The following SLC38A8 variants were observed in gnomAD, a reference collection of about 807,000 sequenced individuals.
SLC38A8 encodes the protein amino acid transporter SLC38A8.
A neutral mutation model predicts 46.0 loss-of-function variants in SLC38A8; 65 were observed. The ratio of observed to expected loss-of-function variants is 1.41; its 90% confidence interval spans 1.16 to 1.74. The LOEUF (loss-of-function observed/expected upper bound fraction) is 1.74, where lower values mean the gene tolerates loss of function less well. Among genes scored for constraint, SLC38A8 ranks in the 40% most tolerant of loss-of-function variants. The probability of loss-of-function intolerance (pLI) is 0.00; values close to 1 mark genes in which losing one functional copy is unlikely to be tolerated. For missense variants in SLC38A8, 998 were observed against 567.9 expected (o/e 1.76, Z -7.70); for synonymous variants, 447 against 243.7 (o/e 1.83, Z -7.77).
chr16:84,028,919 C>G (rs773117820), intron 6 of SLC38A8, among the ~76,000 whole-genome samples: 1 of 152,170 alleles, frequency 6.6e-6, no homozygotes, highest in Non-Finnish European at 1.5e-5. Flanking sequence ...CTCTGCCCCT[C>G]TGCCAGGATT....
At chr16:84,028,197 T>G (rs1379546881) in intron 6 of SLC38A8, among the ~76,000 whole-genome samples, 1 of 152,122 alleles carries the variant, frequency 6.6e-6, no homozygotes, top group East Asian at 1.9e-4. Flanking sequence ...CCCTGTGGAC[T>G]TGATTTTACT....
chr16:84,022,234 A>C (rs931043037), intron 7 of SLC38A8, among the ~76,000 whole-genome samples: 1 of 152,234 alleles, frequency 6.6e-6, no homozygotes, highest in African/African-American at 2.4e-5. Flanking sequence ...ACTGGCGTCA[A>C]GTGGCCAACC....
chr16:84,022,158 G>A (rs920540431), intron 7 of SLC38A8, among the ~76,000 whole-genome samples: 1 of 152,186 alleles, frequency 6.6e-6, no homozygotes, highest in Non-Finnish European at 1.5e-5. Context: ...GTCCAAGGCT[G>A]CCTGAGAGAT....
rs1280777454 is a variant in SLC38A8, at chr16:84,017,154, C to T, written c.939G>A (p.Val313=). Residue 313 remains valine (V), a synonymous_variant, in exon 8 of 11, where the codon GTG becomes GTA. Coordinates refer to ENST00000299709, the MANE Select transcript of SLC38A8 (RefSeq NM_001080442.3). ...CCAGGCCTCACCTCCCCAGGAAGAG[C>T]ACGATGGGGTAGACAGTTACGATGG... ...AVSIVTVYPI[V]LFLGRSVMQD... is the part of the protein sequence containing the mutation. 3.0e-5 allele frequency: 49 copies of T among 1,614,012 alleles called. No individual in the cohort carries two copies. Among genetic ancestry groups the T allele is most frequent in the Non-Finnish European group, 4.0e-5 (47 of 1,180,038 alleles).
intron 7 of SLC38A8, among the ~76,000 whole-genome samples, chr16:84,021,738 T>G (rs530059435): frequency 3.3e-5 from 5 of 152,388 alleles, no homozygotes; most frequent in African/African-American, 1.2e-4. Context: ...TTAGTCCATT[T>G]TTTGTTGGTT....
At chr16:84,034,302 C>A (rs981874160) in intron 3 of SLC38A8, among the ~76,000 whole-genome samples, 1 of 152,240 alleles carries the variant, frequency 6.6e-6, no homozygotes, top group African/African-American at 2.4e-5. Context: ...TCCAGGCACA[C>A]CTAATTCAAA....
At chr16:84,042,339 T>G (rs2085377420) in intron 1 of SLC38A8, among the ~76,000 whole-genome samples, 180 bp from the exon 2 acceptor site, 1 of 151,836 alleles carries the variant, frequency 6.6e-6, no homozygotes, top group African/African-American at 2.4e-5. Flanking sequence ...CGACTTCTAG[T>G]CCCCCTTCGT....
At chr16:84,019,798 G>C (rs1030874239) in intron 7 of SLC38A8, among the ~76,000 whole-genome samples, 2 of 152,208 alleles carry the variant, frequency 1.3e-5, no homozygotes, top group Admixed American at 1.3e-4. Flanking sequence ...CCAGAAGAGA[G>C]ACTAAGGCCA....
At chr16:84,022,002 A>G (rs954774151) in intron 7 of SLC38A8, among the ~76,000 whole-genome samples, 1 of 152,210 alleles carries the variant, frequency 6.6e-6, no homozygotes. Context: ...CCACTAATCC[A>G]TGAATAGATT....
rs1392597038 is a variant in SLC38A8, at chr16:84,009,682, T to A, written c.*102A>T. 1 of 1,010,238 alleles carries A rather than the reference T, an allele frequency of 9.9e-7. No homozygotes were observed. The highest frequency in any genetic ancestry group is 1.6e-5 in the African/African-American group (1 of 60,846). The allele number at this position is 1,010,238 out of a possible 1,614,324, so 62.6% of individuals were successfully genotyped here. A position where few individuals can be genotyped will look rare whatever the true frequency, so the allele number is the denominator to read the frequency against. On this transcript the variant is annotated 3_prime_UTR_variant, in exon 11 of 11. Transcript: ENST00000299709. Reference sequence around the variant, plus strand: ...GCAGAAGGCATCAGTCTCTCCAGCATCTTTATGAGGAAAAGAAATGGCATC... The same window carrying A: ...GCAGAAGGCATCAGTCTCTCCAGCAACTTTATGAGGAAAAGAAATGGCATC...
intron 7 of SLC38A8, among the ~76,000 whole-genome samples, chr16:84,022,068 G>A (rs57640244): frequency 0.19 from 29,048 of 152,130 alleles, 2,844 homozygotes; most frequent in African/African-American, 0.24. Context: ...AAGGCCCCAC[G>A]TCTCAATGCT....
intron 4 of SLC38A8, among the ~76,000 whole-genome samples, chr16:84,032,246 T>A (rs1043929186): frequency 1.3e-5 from 2 of 152,184 alleles, no homozygotes; most frequent in African/African-American, 4.8e-5. Context: ...TGGAGTGCAG[T>A]GGCGCAATCT....
chr16:84,038,633 G>C (rs2085329843), intron 2 of SLC38A8, among the ~76,000 whole-genome samples: 1 of 152,198 alleles, frequency 6.6e-6, no homozygotes, highest in Non-Finnish European at 1.5e-5. Flanking sequence ...GTGTATTGCT[G>C]GAAGATGTAC....
rs139486531 is a variant in SLC38A8 at position 84,021,510 on chromosome 16, A to T, written c.805+1265T>A. Reference sequence around the variant, plus strand: ...TCAGTTCCGTCTGAAACCTCCTCAGAACAGACTTTACTATCCATATTTCCA... The same window carrying T: ...TCAGTTCCGTCTGAAACCTCCTCAGTACAGACTTTACTATCCATATTTCCA... On this transcript the variant is annotated intron_variant, in intron 7 of 10. Transcript: ENST00000299709. Among the ~76,000 whole-genome samples the T allele has an allele frequency of 9.2e-5, 14 of 152,328 alleles. No homozygotes were observed. The East Asian group carries it at 2.7e-3, about 29-fold the overall frequency.
chr16:84,020,996 C>A (rs1362510551), intron 7 of SLC38A8, among the ~76,000 whole-genome samples: 2 of 152,148 alleles, frequency 1.3e-5, no homozygotes, highest in Non-Finnish European at 2.9e-5. Flanking sequence ...TAAGAGTAGC[C>A]ATGCAGCATC....
intron 10 of SLC38A8, among the ~76,000 whole-genome samples, chr16:84,010,778 C>T (rs68025616): frequency 0.24 from 35,972 of 151,902 alleles, 5,676 homozygotes; most frequent in African/African-American, 0.45. Flanking sequence ...AAGGGAGACA[C>T]TACTTTGAAA....
At position 84,037,525 on chromosome 16, in the gene SLC38A8, C is replaced by G. The variant is rs561340538; in HGVS notation, c.190-625G>C. Among the ~76,000 whole-genome samples the G allele has an allele frequency of 2.0e-5, 3 of 152,142 alleles. No individual in the cohort carries two copies. The South Asian group carries it at 6.2e-4, about 32-fold the overall frequency. ...CCTGCAATCCCAGCACTTCTGGAGA[C>G]CGAGGTAGGCGGATCACCTGAGGTC... is the stretch of plus-strand genomic sequence containing the variant. On this transcript the variant is annotated intron_variant, in intron 2 of 10. Transcript: ENST00000299709.
At position 84,013,121 on chromosome 16, in the gene SLC38A8, G is replaced by C. The variant is rs549558425; in HGVS notation, c.1163-69C>G. On this transcript the variant is annotated intron_variant, in intron 9 of 10. Coordinates refer to ENST00000299709, the MANE Select transcript of SLC38A8 (RefSeq NM_001080442.3). ...CCAAAGCAACAAAAAGGTCCCGGGA[G>C]AGGTCCTCAGGGACCCAGGAGGCCA... 1.6e-4 allele frequency: 249 copies of C among 1,591,432 alleles called. 1 individual carries two copies. The highest frequency in any genetic ancestry group is 1.0e-3 in the Middle Eastern group (6 of 5,856).
Position 84,033,483 on chromosome 16 carries a change from G to C in SLC38A8, c.389-14C>G. On this transcript the variant is annotated splice_polypyrimidine_tract_variant and intron_variant, in intron 3 of 10. Transcript: ENST00000299709. ...GGGAGTCACACACTGCCAGAGACAC[G>C]GGGAGAGCTGAGCCACAGAGTACAA... The C allele has an allele frequency of 6.3e-7, 1 of 1,584,780 alleles. No homozygotes were observed. Among genetic ancestry groups the C allele is most frequent in the South Asian group, 1.2e-5 (1 of 86,186 alleles).
Sources: allele counts gnomAD v4.1 joint callset (sites outside exome capture counted in the v4.1 genomes callset), GRCh38; gene constraint gnomAD v4.1.1; transcripts MANE v1.5; gene names NCBI Gene and HGNC (gene_info 2026-07-23, HGNC 2026-07-21).